The following TMEM18 variants were observed in gnomAD, a reference collection of about 807,000 sequenced individuals.
TMEM18 encodes the protein transmembrane protein 18.
Under a neutral mutation model 17.4 loss-of-function variants are expected in TMEM18, and 14 were observed. The ratio of observed to expected loss-of-function variants is 0.80; its 90% CI spans 0.53 to 1.25. TMEM18 has a LOEUF of 1.25. TMEM18 is among the 50% of genes most tolerant of loss of function. The pLI, the probability that TMEM18 is intolerant of heterozygous loss-of-function variation, is 0.00. For synonymous variants in TMEM18, 86 were observed against 66.1 expected (o/e 1.30, Z -1.46); for missense variants, 187 against 172.1 (o/e 1.09, Z -0.48).
Position 667,436 on chromosome 2 carries a change from A to C in TMEM18, c.*2144T>G, listed in dbSNP as rs978784205. 6.6e-5 allele frequency: 10 copies of C among 152,184 alleles called. No homozygotes were observed. The highest frequency in any genetic ancestry group is 2.4e-4 in the African/African-American group (10 of 41,448). The allele number at this position is 152,184 out of a possible 1,614,324, so 9.4% of individuals were successfully genotyped here. On this transcript the variant is annotated 3_prime_UTR_variant, in exon 5 of 5. Coordinates refer to ENST00000281017, the MANE Select transcript of TMEM18 (RefSeq NM_152834.4). ...TTTGATCCCAAACCTCCTTTCCTGT[A>C]CTTTATCAGTAGAGTAAAAACATTT...
At chr2:672,437 G>A (rs1436427263) in intron 3 of TMEM18, among the ~76,000 whole-genome samples, 1 of 152,158 alleles carries the variant, frequency 6.6e-6, no homozygotes, top group Non-Finnish European at 1.5e-5. Context: ...CTCAGGTCCA[G>A]ACTCCCCATG....
At chr2:672,914 T>A in intron 2 of TMEM18, 52 bp from the exon 3 acceptor site, 2 of 1,443,262 alleles carry the variant, frequency 1.4e-6, no homozygotes, top group Non-Finnish European at 1.8e-6. Context: ...TTATTACTCG[T>A]TATAAAGTTA....
In TMEM18 at chr2:669,825, C is replaced by T. The variant is rs774495261; in HGVS notation, c.259G>A (p.Asp87Asn). Residue 87 changes from aspartate (D) to asparagine (N), a missense_variant, in exon 4 of 5, where the codon GAC becomes AAC. Transcript: ENST00000281017. ...WRLFSKYQYF[D>N]SRGMFISIVF... ...ATAGAAATGAACATCCCCCTGGAGT[C>T]GAAATACTGGTATTTCGAAAATAAT... 4.2e-5 allele frequency: 67 copies of T among 1,612,786 alleles called. No individual in the cohort carries two copies. Among genetic ancestry groups the T allele is most frequent in the Non-Finnish European group, 5.3e-5 (62 of 1,179,810 alleles).
intron 1 of TMEM18, chr2:676,750 C>T (rs868400647): frequency 1.9e-6 from 2 of 1,057,742 alleles, no homozygotes; most frequent in African/African-American, 1.6e-5. Flanking sequence ...TGCCACCCCA[C>T]ACGATCAGGC....
chr2:672,983 C>A, intron 2 of TMEM18, 121 bp from the exon 3 acceptor site: 1 of 932,754 alleles, frequency 1.1e-6, no homozygotes, highest in Non-Finnish European at 1.5e-6. Context: ...AACATAACAT[C>A]AGGTAAACAT....
rs945823606 is a variant in TMEM18, at chr2:669,676, C to G, written c.328-1G>C. 1 of 1,614,134 alleles carries G rather than the reference C, an allele frequency of 6.2e-7. No homozygotes were observed. The highest frequency in any genetic ancestry group is 8.5e-7 in the Non-Finnish European group (1 of 1,180,016). ...TCAAAGTCTTCCATACCCACATAAC[C>G]TAAACACAATTGTTTGAGACATGTT... On this transcript the variant is annotated splice_acceptor_variant, in intron 4 of 4. Coordinates refer to ENST00000281017, the MANE Select transcript of TMEM18 (RefSeq NM_152834.4). LOFTEE classifies it high-confidence loss of function.
chr2:669,545 C>T lies in TMEM18; in HGVS notation c.*35G>A, dbSNP rs770587338. ...AGCACTGGGAGCTGCACTGGGTGGA[C>T]GGGAAGGACGCAAACTCCAAGCAGC... On this transcript the variant is annotated 3_prime_UTR_variant, in exon 5 of 5. Transcript: ENST00000281017. 29 of 1,607,484 alleles carry T rather than the reference C, an allele frequency of 1.8e-5. No homozygotes were observed. The highest frequency in any genetic ancestry group is 1.6e-4 in the Middle Eastern group (1 of 6,070).
chr2:676,379 A>G, intron 1 of TMEM18: 2 of 1,379,658 alleles, frequency 1.4e-6, no homozygotes, highest in African/African-American at 1.4e-5. Context: ...CCTGCAGAAG[A>G]CAAGCCCTGC....
chr2:676,699 G>T, intron 1 of TMEM18: 1 of 1,484,648 alleles, frequency 6.7e-7, no homozygotes. Context: ...GACGAACCCG[G>T]CACGGCGCAC....
chr2:665,842 AGATGCAGATGC>A lies in TMEM18; in HGVS notation c.*3727_*3737del, dbSNP rs985957243. Among the ~76,000 whole-genome samples the A allele has an allele frequency of 6.6e-6, 1 of 151,716 alleles. No homozygotes were observed. Among genetic ancestry groups the A allele is most frequent in the African/African-American group, 2.4e-5 (1 of 41,248 alleles). On this transcript the variant is annotated 3_prime_UTR_variant, in exon 5 of 5. Transcript: ENST00000281017. ...CAACCCCACACACAACAGGACACAG[AGATGCAGATGC>A]CCCACTCACTCAGATGGAGCATCAA...
At position 675,529 on chromosome 2, in the gene TMEM18, G is replaced by C; in HGVS notation, c.159C>G (p.Ile53Met). The C allele has an allele frequency of 1.2e-6, 2 of 1,614,230 alleles. No individual in the cohort carries two copies. Among genetic ancestry groups the C allele is most frequent in the African/African-American group, 1.3e-5 (1 of 75,066 alleles). The change falls in exon 2 of 5, where the codon ATC (isoleucine) becomes ATG (methionine). Residue 53 changes from isoleucine to methionine, a missense_variant. Physicochemically the swap from Ile to Met is conservative, Grantham distance 10. Coordinates refer to ENST00000281017, the MANE Select transcript of TMEM18 (RefSeq NM_152834.4). ...CLSSRSYRLQIGHFLCLVILV... is the reference protein window; with the variant it reads ...CLSSRSYRLQMGHFLCLVILV... ...ACTCACCTAGACACAGAAAGTGCCC[G>C]ATCTGTAGTCTGTAGCTTCGGGAGG...
At chr2:674,601 G>A (rs1321995135) in intron 2 of TMEM18, among the ~76,000 whole-genome samples, 1 of 152,230 alleles carries the variant, frequency 6.6e-6, no homozygotes, top group African/African-American at 2.4e-5. Flanking sequence ...TACAGAGCTT[G>A]CTCTGAGCGC....
At chr2:670,952 A>G (rs1472303475) in intron 3 of TMEM18, 1 of 152,168 alleles carries the variant, frequency 6.6e-6, no homozygotes, top group African/African-American at 2.4e-5. Context: ...CGGGTCGGCG[A>G]GGGTGGGGTG....
At chr2:675,160 C>T (rs752035113) in intron 2 of TMEM18, among the ~76,000 whole-genome samples, 70 of 152,180 alleles carry the variant, frequency 4.6e-4, no homozygotes, top group Non-Finnish European at 9.0e-4. Flanking sequence ...TCCCAGTTTG[C>T]AATCTTCCTC....
intron 1 of TMEM18, chr2:676,702 C>T: frequency 6.8e-7 from 1 of 1,477,486 alleles, no homozygotes; most frequent in Admixed American, 2.0e-5. Context: ...GAACCCGGCA[C>T]GGCGCACGCC....
rs940062730 is a variant in TMEM18, at chr2:669,053, C to T, written c.*527G>A. ...GCACACAGGATTTTATGCATCACCCCGGGCTCCACAGGAGAAGCCAGGAGC... is the reference window on the plus strand; with the variant it reads ...GCACACAGGATTTTATGCATCACCCTGGGCTCCACAGGAGAAGCCAGGAGC... On this transcript the variant is annotated 3_prime_UTR_variant, in exon 5 of 5. Transcript: ENST00000281017. The T allele has an allele frequency of 1.4e-4, 21 of 153,438 alleles. No individual in the cohort carries two copies. The highest frequency in any genetic ancestry group is 3.2e-4 in the Admixed American group (5 of 15,400). 9.5% of individuals were successfully genotyped at this position (153,438 alleles called of 1,614,324 possible).
intron 2 of TMEM18, among the ~76,000 whole-genome samples, chr2:673,792 G>C (rs376946265): frequency 6.6e-6 from 1 of 151,154 alleles, no homozygotes; most frequent in Non-Finnish European, 1.5e-5. Context: ...AGGGGAAGGA[G>C]GAGGGCCAGG....
At chr2:673,778 A>C in intron 2 of TMEM18, among the ~76,000 whole-genome samples, 1 of 144,604 alleles carries the variant, frequency 6.9e-6, no homozygotes, top group African/African-American at 2.5e-5. Context: ...GAAGGAGAGG[A>C]AGGAGGGGAA....
In TMEM18 at chr2:666,918, A is replaced by G. The variant is rs1678706997; in HGVS notation, c.*2662T>C. Among the ~76,000 whole-genome samples the G allele has an allele frequency of 6.6e-6, 1 of 151,722 alleles. No individual in the cohort carries two copies. The highest frequency in any genetic ancestry group is 2.4e-5 in the African/African-American group (1 of 41,260). Reference sequence around the variant, plus strand: ...TCCAGGGAAAAGATGCTTGGGCCTGACCGGTATATCTCTGACGGCAATTCT... The same window carrying G: ...TCCAGGGAAAAGATGCTTGGGCCTGGCCGGTATATCTCTGACGGCAATTCT... On this transcript the variant is annotated 3_prime_UTR_variant, in exon 5 of 5. Transcript: ENST00000281017.
Sources: allele counts gnomAD v4.1 joint callset (sites outside exome capture counted in the v4.1 genomes callset), GRCh38; gene constraint gnomAD v4.1.1; transcripts MANE v1.5; gene names NCBI Gene and HGNC (gene_info 2026-07-23, HGNC 2026-07-21).